TSPAN4: variants seen among roughly 807,000 people sequenced by gnomAD.
The protein encoded by TSPAN4 is tetraspanin-4.
Under a neutral mutation model 31.5 loss-of-function variants are expected in TSPAN4, and 38 were observed. The ratio of observed to expected loss-of-function variants is 1.21; its 90% CI spans 0.93 to 1.58. TSPAN4 has a LOEUF of 1.58. Ranked by LOEUF, TSPAN4 falls within the 40% of genes most tolerant of loss-of-function variation. The pLI is 0.00. For missense variants in TSPAN4, 330 were observed against 317.3 expected, an observed-to-expected ratio of 1.04 and a Z score of -0.30; for synonymous variants, 186 against 144.6, an observed-to-expected ratio of 1.29 and a Z score of -2.06.
chr11:862,389 AC>A (rs553795261), intron 3 of TSPAN4, 160 bp from the exon 4 acceptor site: 44 of 627,782 alleles, frequency 7.0e-5, no homozygotes, highest in South Asian at 1.0e-4. Flanking sequence ...TGCCCTGGAC[AC>A]CCCCCCGGGC....
intron 3 of TSPAN4, among the ~76,000 whole-genome samples, chr11:850,581 A>G (rs529556814): frequency 2.0e-5 from 3 of 152,148 alleles, no homozygotes; most frequent in Non-Finnish European, 2.9e-5. Flanking sequence ...CGCCCCCTGC[A>G]CTCAGAGCGG....
intron 3 of TSPAN4, among the ~76,000 whole-genome samples, chr11:852,062 C>G (rs188625877): frequency 2.0e-5 from 3 of 152,306 alleles, no homozygotes; most frequent in African/African-American, 7.2e-5. Flanking sequence ...CATCCTCAAC[C>G]TGGGAAAGAA....
At chr11:864,388 G>A (rs745386400) in intron 4 of TSPAN4, 49 bp from the exon 5 acceptor site, 1 of 1,605,124 alleles carries the variant, frequency 6.2e-7, no homozygotes, top group Non-Finnish European at 8.5e-7. Flanking sequence ...CTGTGGGGCG[G>A]AGGCTGTGCG....
chr11:862,381 C>T (rs972019167), intron 3 of TSPAN4, 169 bp from the exon 4 acceptor site: 68 of 610,602 alleles, frequency 1.1e-4, no homozygotes, highest in Non-Finnish European at 1.8e-4. Context: ...GACTGGCCTG[C>T]CCTGGACACC....
chr11:856,254 G>A (rs1848038762), intron 3 of TSPAN4, among the ~76,000 whole-genome samples: 1 of 152,244 alleles, frequency 6.6e-6, no homozygotes, highest in Admixed American at 6.5e-5. Flanking sequence ...AGAGCCATCA[G>A]TTGCTGCTGA....
At chr11:849,831 G>A (rs1325156448) in intron 2 of TSPAN4, 1 of 146,688 alleles carries the variant, frequency 6.8e-6, no homozygotes, top group African/African-American at 2.5e-5. Flanking sequence ...TCGGGGGCGC[G>A]GGGGCCGCAG....
chr11:855,672 G>A (rs182249472), intron 3 of TSPAN4, among the ~76,000 whole-genome samples: 1 of 152,330 alleles, frequency 6.6e-6, no homozygotes, highest in Admixed American at 6.5e-5. Flanking sequence ...GTGGAAACAG[G>A]ACGTCGCTCA....
intron 3 of TSPAN4, 64 bp downstream of exon 3, chr11:850,431 G>A: frequency 1.4e-6 from 2 of 1,436,896 alleles, no homozygotes; most frequent in Non-Finnish European, 1.9e-6. Context: ...GGCGGGTCGC[G>A]GGGTCTGGGG....
intron 4 of TSPAN4, chr11:864,148 T>TG (rs762590011): frequency 3.8e-4 from 193 of 507,018 alleles, no homozygotes; most frequent in Non-Finnish European, 3.1e-4. Flanking sequence ...TGTGCCCACT[T>TG]GGGGGTGTCT....
intron 3 of TSPAN4, among the ~76,000 whole-genome samples, chr11:861,629 G>C (rs958011071): frequency 6.6e-6 from 1 of 151,894 alleles, no homozygotes; most frequent in Non-Finnish European, 1.5e-5. Flanking sequence ...GGAGAATGGC[G>C]TGAACCCGGG....
intron 5 of TSPAN4, chr11:865,271 T>C: frequency 1.8e-6 from 1 of 553,348 alleles, no homozygotes; most frequent in Non-Finnish European, 3.2e-6. Context: ...CCCTGTCCTC[T>C]GTCCCCCCAG....
At chr11:861,795 C>G (rs1362064563) in intron 3 of TSPAN4, among the ~76,000 whole-genome samples, 1 of 152,032 alleles carries the variant, frequency 6.6e-6, no homozygotes, top group East Asian at 1.9e-4. Context: ...GGGGGCATGC[C>G]TGTAATCCCA....
chr11:866,637 C>T lies in TSPAN4; in HGVS notation c.*7C>T, dbSNP rs1263941225. ...AGACACCTACTGCGCGTAGGCCGCC[C>T]ACCGCCCGCTTCTCTGCCAAAAGGA... is the stretch of plus-strand genomic sequence containing the variant. On this transcript the variant is annotated 3_prime_UTR_variant, in exon 9 of 9. Transcript: ENST00000397397. 1.2e-6 allele frequency: 2 copies of T among 1,610,468 alleles called. No homozygotes were observed. Among genetic ancestry groups the T allele is most frequent in the Non-Finnish European group, 1.7e-6 (2 of 1,178,854 alleles).
intron 1 of TSPAN4, among the ~76,000 whole-genome samples, chr11:846,511 C>T (rs531683427): frequency 1.3e-5 from 2 of 152,254 alleles, no homozygotes; most frequent in East Asian, 1.9e-4. Context: ...CGAGGTGTTG[C>T]GGGGTTGAGC....
rs1430374118 is a variant in TSPAN4 at position 848,409 on chromosome 11, C to T, written c.-18+1109C>T. On this transcript the variant is annotated intron_variant, in intron 2 of 8. Transcript: ENST00000397397. This position sits in a 1 kb window ranked among gnomAD's most constrained non-coding sequence, Gnocchi z 5.7. ...CTCTGGGGGCCCCCTGTCCCCTTCC[C>T]CCAGCGAGGACCTGGGCATGGGGTG... 6.6e-6 allele frequency among the ~76,000 whole-genome samples: 1 copy of T among 152,210 alleles called. No individual in the cohort carries two copies. Among genetic ancestry groups the T allele is most frequent in the African/African-American group, 2.4e-5 (1 of 41,454 alleles).
At position 862,617 on chromosome 11, in the gene TSPAN4, T is replaced by C; in HGVS notation, c.131T>C (p.Leu44Pro). The C allele has an allele frequency of 6.2e-7, 1 of 1,613,264 alleles. No individual in the cohort carries two copies. The highest frequency in any genetic ancestry group is 8.5e-7 in the Non-Finnish European group (1 of 1,179,864). The change falls in exon 4 of 9, where the codon CTG (leucine) becomes CCG (proline). Residue 44 changes from leucine (L) to proline (P), a missense_variant. Physicochemically the swap from Leu to Pro is moderately conservative, Grantham distance 98. Transcript: ENST00000397397. ...GCCACACAGGGGAGCTTCGCCACGC[T>C]GTCCTCTTCCTTCCCGTCCCTGTCG... ...LAATQGSFAT[L>P]SSSFPSLSAA...
At chr11:863,195 C>T (rs1848572127) in intron 4 of TSPAN4, 1 of 158,622 alleles carries the variant, frequency 6.3e-6, no homozygotes. Flanking sequence ...ATCCCAGCCC[C>T]CACCTCGCCT....
intron 2 of TSPAN4, among the ~76,000 whole-genome samples, chr11:847,642 C>T (rs1009113011): frequency 6.6e-6 from 1 of 151,116 alleles, no homozygotes; most frequent in Non-Finnish European, 1.5e-5. Flanking sequence ...TCCTGACCCT[C>T]GGTGGCCTTG....
chr11:864,669 C>A, intron 5 of TSPAN4, 158 bp downstream of exon 5: 1 of 851,256 alleles, frequency 1.2e-6, no homozygotes, highest in Non-Finnish European at 1.8e-6. Context: ...GGAGGGGCAG[C>A]GCCAGCGACC....
Sources: gnomAD v4.1 joint callset for allele counts (sites outside exome capture counted in the v4.1 genomes callset) on GRCh38, gnomAD v4.1.1 for gene constraint, Gnocchi (gnomAD v3.1) non-coding constraint, MANE v1.5 for transcripts, NCBI Gene and HGNC (gene_info 2026-07-23, HGNC 2026-07-21) for gene names.